The following PRDX1 variants were observed in gnomAD, a reference collection of about 807,000 sequenced individuals.
The protein encoded by PRDX1 is peroxiredoxin 1, also known as peroxiredoxin-1.
In PRDX1, 19 loss-of-function variants were observed where a neutral mutation model predicts 20.7. That is an observed-to-expected ratio of 0.92 (90% CI 0.64 to 1.35). The LOEUF (loss-of-function observed/expected upper bound fraction) is 1.35. Ranked by LOEUF, PRDX1 falls within the 40% of genes most tolerant of loss-of-function variation. PRDX1 has a pLI of 0.00. For synonymous variants in PRDX1, 89 were observed against 83.9 expected (o/e 1.06, Z -0.33); for missense variants, 226 against 240.0 (o/e 0.94, Z 0.38).
At chr1:45,514,158 T>C (rs1258950591) in intron 5 of PRDX1, among the ~76,000 whole-genome samples, 1 of 152,210 alleles carries the variant, frequency 6.6e-6, no homozygotes, top group Non-Finnish European at 1.5e-5. Context: ...TATGCACATC[T>C]AAAGCACAGC....
Position 45,514,594 on chromosome 1 carries a change from TGATCTGCCGAA to T in PRDX1, c.416_426del (p.Leu139HisfsTer4). 2 of 1,613,628 alleles carry T rather than the reference TGATCTGCCGAA, an allele frequency of 1.2e-6. No homozygotes were observed. Among genetic ancestry groups the T allele is most frequent in the Non-Finnish European group, 8.5e-7 (1 of 1,179,622 alleles). Reference sequence around the variant, plus strand: ...CGGCCAACAGGGAGGTCATTTACAGTGATCTGCCGAAGAATACCCTTATCATCAATGATAAA... The same window carrying T: ...CGGCCAACAGGGAGGTCATTTACAGTGAATACCCTTATCATCAATGATAAA... On this transcript the variant is annotated frameshift_variant, in exon 5 of 6. Coordinates refer to ENST00000319248, the MANE Select transcript of PRDX1 (RefSeq NM_181697.3). LOFTEE classifies it high-confidence loss of function.
At chr1:45,518,305 A>T (rs1486658433) in intron 2 of PRDX1, among the ~76,000 whole-genome samples, 1 of 151,982 alleles carries the variant, frequency 6.6e-6, no homozygotes, top group Non-Finnish European at 1.5e-5. Flanking sequence ...TCTACTAAAA[A>T]TACAAAAAAA....
upstream of PRDX1, among the ~76,000 whole-genome samples, chr1:45,522,570 G>A (rs1487885745): frequency 6.6e-6 from 1 of 152,012 alleles, no homozygotes; most frequent in Non-Finnish European, 1.5e-5. Flanking sequence ...AAGGCAAAAG[G>A]CCTCAGACAT....
chr1:45,515,080 ATCT>A, intron 3 of PRDX1, 85 bp from the exon 4 acceptor site: 1 of 1,543,180 alleles, frequency 6.5e-7, no homozygotes, highest in Admixed American at 2.0e-5. Flanking sequence ...CATATTCCTA[ATCT>A]AACTTTCCAA....
chr1:45,519,298 G>A (rs1045418227), intron 1 of PRDX1, among the ~76,000 whole-genome samples: 1 of 152,200 alleles, frequency 6.6e-6, no homozygotes, highest in Non-Finnish European at 1.5e-5. Flanking sequence ...AAACAGCAAG[G>A]CAATTTCTTT....
intron 1 of PRDX1, among the ~76,000 whole-genome samples, chr1:45,520,890 C>G (rs532637474): frequency 6.6e-6 from 1 of 150,950 alleles, no homozygotes; most frequent in Non-Finnish European, 1.5e-5. Flanking sequence ...GCCGACAGAG[C>G]GAGACTCTAG....
rs74359558 is a variant in PRDX1, at chr1:45,519,471, A to C, written c.-11-417T>G. Among the ~76,000 whole-genome samples, 85 of 152,342 alleles carry C rather than the reference A, an allele frequency of 5.6e-4. No homozygotes were observed. In the East Asian group the frequency reaches 0.013, roughly 23 times the overall value. On this transcript the variant is annotated intron_variant, in intron 1 of 5. Transcript: ENST00000319248. ...GTTTGGCTCCCCAAAAGTCACGTTGACCTTTCCCATCACTGTGCCTCCACC... is the reference window on the plus strand; with the variant it reads ...GTTTGGCTCCCCAAAAGTCACGTTGCCCTTTCCCATCACTGTGCCTCCACC...
At chr1:45,519,486 G>C (rs911430054) in intron 1 of PRDX1, among the ~76,000 whole-genome samples, 4 of 152,278 alleles carry the variant, frequency 2.6e-5, no homozygotes, top group Admixed American at 1.3e-4. Context: ...TCCCATCACT[G>C]TGCCTCCACC....
intron 2 of PRDX1, 121 bp from the exon 3 acceptor site, chr1:45,515,928 A>G: frequency 5.2e-6 from 5 of 965,660 alleles, no homozygotes; most frequent in Non-Finnish European, 7.4e-6. Context: ...CAAGATGCTC[A>G]ATACAGATGT....
upstream of PRDX1, chr1:45,522,008 C>T (rs1643919419): frequency 1.3e-5 from 2 of 152,370 alleles, no homozygotes; most frequent in Non-Finnish European, 2.9e-5. Context: ...CCGGCGCGCC[C>T]CGCCGGAATG....
intron 3 of PRDX1, 54 bp downstream of exon 3, chr1:45,515,600 A>ATC: frequency 9.5e-6 from 1 of 105,436 alleles, no homozygotes; most frequent in Non-Finnish European, 1.2e-5. Flanking sequence ...CTCCATCTCA[A>ATC]AAAAAAAAAA....
intron 5 of PRDX1, among the ~76,000 whole-genome samples, 198 bp downstream of exon 5, chr1:45,514,309 G>A (rs962497434): frequency 6.6e-6 from 1 of 151,988 alleles, no homozygotes; most frequent in Non-Finnish European, 1.5e-5. Context: ...AATACTAAGG[G>A]AACTCAGAGG....
In PRDX1 at chr1:45,520,942, AG is replaced by A. The variant is rs199520786; in HGVS notation, c.-12+886del. ...TTAACCCACTAAGCCGCGGTCTGAA[AG>A]CTTTTCCAAGTCCCAAAGTTCTTAG... On this transcript the variant is annotated intron_variant, in intron 1 of 5. Transcript: ENST00000319248. Among the ~76,000 whole-genome samples the A allele has an allele frequency of 5.9e-5, 9 of 152,292 alleles. No homozygotes were observed. The East Asian group carries it at 1.7e-3, about 29-fold the overall frequency.
At chr1:45,515,210 T>C (rs1351112908) in intron 3 of PRDX1, among the ~76,000 whole-genome samples, 1 of 152,142 alleles carries the variant, frequency 6.6e-6, no homozygotes, top group African/African-American at 2.4e-5. Context: ...TGCCAGGTCA[T>C]GAGAGCAATA....
Position 45,514,571 on chromosome 1 carries a change from G to T in PRDX1, c.450C>A (p.Gly150=), listed in dbSNP as rs200368500. 5.0e-6 allele frequency: 8 copies of T among 1,613,770 alleles called. 1 individual carries two copies. The Middle Eastern group carries it at 6.6e-4, about 133-fold the overall frequency. Residue 150 remains glycine, a synonymous_variant, in exon 5 of 6, where the codon GGC becomes GGA. Coordinates refer to ENST00000319248, the MANE Select transcript of PRDX1 (RefSeq NM_181697.3). The part of the protein sequence containing the change: ...RQITVNDLPV[G]RSVDETLRLV... ...GTCTCAAAGTCTCATCCACAGAGCGGCCAACAGGGAGGTCATTTACAGTGA... is the reference window on the plus strand; with the variant it reads ...GTCTCAAAGTCTCATCCACAGAGCGTCCAACAGGGAGGTCATTTACAGTGA...
At chr1:45,515,044 TG>T in intron 3 of PRDX1, 49 bp from the exon 4 acceptor site, 2 of 1,603,916 alleles carry the variant, frequency 1.2e-6, no homozygotes, top group Non-Finnish European at 1.7e-6. Flanking sequence ...TTGACTTGAC[TG>T]TACGCATTCC....
chr1:45,514,864 A>G lies in PRDX1; in HGVS notation c.383+9T>C. 2 of 1,614,098 alleles carry G rather than the reference A, an allele frequency of 1.2e-6. No homozygotes were observed. Among genetic ancestry groups the G allele is most frequent in the Non-Finnish European group, 1.7e-6 (2 of 1,179,978 alleles). On this transcript the variant is annotated intron_variant, in intron 4 of 5. Coordinates refer to ENST00000319248, the MANE Select transcript of PRDX1 (RefSeq NM_181697.3). ...TTCAGCCAACTGGATACTTGTCCTG[A>G]TGACATACCTGAACGAGATGCCTTC... is the stretch of plus-strand genomic sequence containing the variant.
At position 45,515,659 on chromosome 1, in the gene PRDX1, T is replaced by C. The variant is rs1643847726; in HGVS notation, c.255A>G (p.Leu85=). 6.4e-7 allele frequency: 1 copy of C among 1,560,254 alleles called. No homozygotes were observed. Among genetic ancestry groups the C allele is most frequent in the Non-Finnish European group, 8.7e-7 (1 of 1,152,876 alleles). The stretch of plus-strand genomic sequence containing the variant: ...AAATAGACCAAGAGATTTACCATGC[T>C]AGATGACAGAAGTGAGAATCCACAG... ...GASVDSHFCH[L]AWVNTPKKQG... The change falls in exon 3 of 6, where the codon CTA becomes CTG. Residue 85 remains leucine (L), a synonymous_variant. Coordinates refer to ENST00000319248, the MANE Select transcript of PRDX1 (RefSeq NM_181697.3).
rs150000443 is a variant in PRDX1 at position 45,516,999 on chromosome 1, C to T, written c.107-1192G>A. Among the ~76,000 whole-genome samples the T allele has an allele frequency of 6.4e-4, 91 of 142,572 alleles. 1 individual carries two copies. The East Asian group carries it at 0.018, about 28-fold the overall frequency. 93.5% of individuals were successfully genotyped at this position (142,572 alleles called of 152,430 possible). On this transcript the variant is annotated intron_variant, in intron 2 of 5. Coordinates refer to ENST00000319248, the MANE Select transcript of PRDX1 (RefSeq NM_181697.3). ...TCATGCCACTGCACTACAGCCTGTGCGACAAGATCAAAATTCCACCTCAAA... is the reference window on the plus strand; with the variant it reads ...TCATGCCACTGCACTACAGCCTGTGTGACAAGATCAAAATTCCACCTCAAA...
Sources: allele counts gnomAD v4.1 joint callset (sites outside exome capture counted in the v4.1 genomes callset), GRCh38; gene constraint gnomAD v4.1.1; transcripts MANE v1.5; gene names NCBI Gene and HGNC (gene_info 2026-07-23, HGNC 2026-07-21).